Variants in FOXK2 observed in about 807,000 individuals in gnomAD.
FOXK2 encodes the protein forkhead box K2.
FOXK2 carries 24 observed loss-of-function variants against 53.3 expected under a neutral mutation model. That is an observed-to-expected ratio of 0.45 (90% CI 0.33 to 0.63). The LOEUF is 0.63. FOXK2 is among the 30% of genes least tolerant of loss of function. The pLI is 0.03. For missense variants in FOXK2, 952 were observed against 910.5 expected (o/e 1.05, Z -0.59); for synonymous variants, 505 against 407.1 (o/e 1.24, Z -2.89).
intron 2 of FOXK2, among the ~76,000 whole-genome samples, chr17:82,565,547 T>C (rs1394476286): frequency 6.6e-6 from 1 of 152,150 alleles, no homozygotes; most frequent in Non-Finnish European, 1.5e-5. Flanking sequence ...AATAAGGACA[T>C]GAAAAGATAT....
At chr17:82,546,664 C>T (rs1466405935) in intron 1 of FOXK2, among the ~76,000 whole-genome samples, 2 of 151,932 alleles carry the variant, frequency 1.3e-5, no homozygotes, top group Non-Finnish European at 2.9e-5. Context: ...ACGGGGGTCT[C>T]ACCATGTTGC....
rs996906203 is a variant in FOXK2 at position 82,586,972 on chromosome 17, T to C, written c.1577-91T>C. The C allele has an allele frequency of 7.9e-6, 9 of 1,139,428 alleles. No homozygotes were observed. In the African/African-American group the frequency reaches 9.2e-5, roughly 12 times the overall value. 70.6% of individuals were successfully genotyped at this position (1,139,428 alleles called of 1,614,324 possible). A position where few individuals can be genotyped will look rare whatever the true frequency, so the allele number is the denominator to read the frequency against. ...TTTTAGAGACATTTTCTAGCAGGTG[T>C]GATAGCTATCTGGTTATTATGTTTT... On this transcript the variant is annotated intron_variant, in intron 7 of 8. Transcript: ENST00000335255.
chr17:82,554,298 G>A (rs1275746943), intron 1 of FOXK2, among the ~76,000 whole-genome samples: 1 of 152,184 alleles, frequency 6.6e-6, no homozygotes, highest in African/African-American at 2.4e-5. Flanking sequence ...GGTTAATACT[G>A]AAGTCTTGCA....
chr17:82,554,661 G>A (rs925340517), intron 1 of FOXK2, among the ~76,000 whole-genome samples: 1 of 151,954 alleles, frequency 6.6e-6, no homozygotes, highest in Non-Finnish European at 1.5e-5. Flanking sequence ...TTCCATTTTT[G>A]GTCAGACGTC....
At position 82,519,987 on chromosome 17, in the gene FOXK2, C is replaced by A. The variant is rs781072114; in HGVS notation, c.99C>A (p.Gly33=). 2.9e-6 allele frequency: 4 copies of A among 1,387,560 alleles called. No individual in the cohort carries two copies. In the Admixed American group the frequency reaches 6.6e-5, roughly 23 times the overall value. The allele number at this position is 1,387,560 out of a possible 1,614,324, so 86.0% of individuals were successfully genotyped here. A position where few individuals can be genotyped will look rare whatever the true frequency, so the allele number is the denominator to read the frequency against. ...CCGGGGGCGGCGGGTCCCCGCCGGG[C>A]GGCTGGGCCGTGGCGCGCCTGGAGG... ...GGAGGGGSPP[G]GWAVARLEGR... is the part of the protein sequence containing the mutation. The change falls in exon 1 of 9, where the codon GGC becomes GGA. Residue 33 remains glycine (G), a synonymous_variant. Transcript: ENST00000335255.
chr17:82,587,351 T>C (rs1346487967), intron 8 of FOXK2, 79 bp downstream of exon 8: 1 of 1,110,236 alleles, frequency 9.0e-7, no homozygotes, highest in East Asian at 2.4e-5. Flanking sequence ...GTTTCGGTTC[T>C]GACTGTAACA....
At chr17:82,569,058 A>T (rs1362141725) in intron 3 of FOXK2, among the ~76,000 whole-genome samples, 1 of 152,198 alleles carries the variant, frequency 6.6e-6, no homozygotes, top group Non-Finnish European at 1.5e-5. Flanking sequence ...CAGTGTCCCT[A>T]GGGGAATGGT....
chr17:82,601,534 CTG>C lies in FOXK2; in HGVS notation c.*38_*39del. ...GAGCTTTTCTTTAACGATATCAACTCTGTGGTGCCAAAAGGAGACGCGGCCTC... is the reference window on the plus strand; with the variant it reads ...GAGCTTTTCTTTAACGATATCAACTCTGGTGCCAAAAGGAGACGCGGCCTC... On this transcript the variant is annotated 3_prime_UTR_variant, in exon 9 of 9. Transcript: ENST00000335255. 6.4e-7 allele frequency: 1 copy of C among 1,564,802 alleles called. No homozygotes were observed. Among genetic ancestry groups the C allele is most frequent in the Non-Finnish European group, 8.7e-7 (1 of 1,153,778 alleles).
chr17:82,589,384 T>C (rs1265644648), intron 8 of FOXK2, among the ~76,000 whole-genome samples: 1 of 152,248 alleles, frequency 6.6e-6, no homozygotes, highest in Non-Finnish European at 1.5e-5. Context: ...ATATCTTTTC[T>C]CTGCAGCAAT....
intron 1 of FOXK2, among the ~76,000 whole-genome samples, chr17:82,520,797 T>C (rs558575123): frequency 6.6e-6 from 1 of 152,344 alleles, no homozygotes; most frequent in East Asian, 1.9e-4. Context: ...AAGAGTGCGG[T>C]GTTTTAAGCA....
intron 8 of FOXK2, chr17:82,600,113 T>A (rs1362410164): frequency 6.6e-6 from 1 of 152,172 alleles, no homozygotes; most frequent in African/African-American, 2.4e-5. Context: ...AGGACCTGCT[T>A]CTCAGAGCAT....
chr17:82,541,179 A>G (rs1006165354), intron 1 of FOXK2, among the ~76,000 whole-genome samples: 2 of 152,186 alleles, frequency 1.3e-5, no homozygotes, highest in Non-Finnish European at 2.9e-5. Flanking sequence ...GGACAGGGAC[A>G]AAGGGTGTGG....
intron 1 of FOXK2, among the ~76,000 whole-genome samples, chr17:82,536,334 TTTG>T (rs1026479555): frequency 8.5e-5 from 13 of 152,316 alleles, no homozygotes; most frequent in African/African-American, 2.9e-4. Flanking sequence ...CCTTGTGATT[TTTG>T]TTGTTGTTGC....
intron 1 of FOXK2, among the ~76,000 whole-genome samples, chr17:82,559,149 C>T (rs1349505542): frequency 6.6e-6 from 1 of 152,192 alleles, no homozygotes; most frequent in African/African-American, 2.4e-5. Context: ...CTGCCTCGGC[C>T]TCCCAAAGTG....
At chr17:82,527,959 C>T (rs2044434587) in intron 1 of FOXK2, among the ~76,000 whole-genome samples, 1 of 152,118 alleles carries the variant, frequency 6.6e-6, no homozygotes, top group Non-Finnish European at 1.5e-5. Flanking sequence ...CATGGCCATT[C>T]AGGGCTAATT....
At chr17:82,524,265 T>C (rs911861391) in intron 1 of FOXK2, among the ~76,000 whole-genome samples, 2 of 152,242 alleles carry the variant, frequency 1.3e-5, no homozygotes, top group Admixed American at 6.5e-5. Flanking sequence ...TAGAAAATAA[T>C]GTAACAACCC....
At chr17:82,591,991 C>G (rs536989498) in intron 8 of FOXK2, among the ~76,000 whole-genome samples, 1 of 152,364 alleles carries the variant, frequency 6.6e-6, no homozygotes, top group East Asian at 1.9e-4. Context: ...GCAGCCCCGA[C>G]CTACTGGTCT....
intron 4 of FOXK2, chr17:82,572,258 A>G (rs3751907): frequency 0.6 from 95,665 of 159,892 alleles, 29,197 homozygotes; most frequent in South Asian, 0.79. Flanking sequence ...TCCTCATCTA[A>G]TCCTGCTAAT....
At chr17:82,525,323 C>T (rs749888062) in intron 1 of FOXK2, among the ~76,000 whole-genome samples, 12 of 152,058 alleles carry the variant, frequency 7.9e-5, no homozygotes, top group African/African-American at 2.2e-4. Context: ...ACTACAGGTA[C>T]GTGCCACCAT....
Sources: gnomAD v4.1 joint callset for allele counts (sites outside exome capture counted in the v4.1 genomes callset) on GRCh38, gnomAD v4.1.1 for gene constraint, MANE v1.5 for transcripts, NCBI Gene and HGNC (gene_info 2026-07-23, HGNC 2026-07-21) for gene names.